Variants in PPARD observed in about 807,000 individuals in gnomAD.
PPARD encodes the protein peroxisome proliferator activated receptor delta, also known as peroxisome proliferator-activated receptor delta.
Under a neutral mutation model 39.5 loss-of-function variants are expected in PPARD, and 6 were observed. That is an observed-to-expected ratio of 0.15 (90% CI 0.08 to 0.30). The LOEUF (loss-of-function observed/expected upper bound fraction) is 0.30. Among genes scored for constraint, PPARD ranks in the 10% least tolerant of loss-of-function variants. The pLI is 1.00. For synonymous variants in PPARD, 210 were observed against 231.3 expected, an observed-to-expected ratio of 0.91 and a Z score of 0.83; for missense variants, 397 against 596.8, an observed-to-expected ratio of 0.67 and a Z score of 3.49.
At chr6:35,348,056 C>T (rs1008786896) in intron 2 of PPARD, among the ~76,000 whole-genome samples, 4 of 150,068 alleles carry the variant, frequency 2.7e-5, no homozygotes, top group Admixed American at 6.7e-5. Flanking sequence ...TACAGGCATG[C>T]GCCACCACAT....
At position 35,407,799 on chromosome 6, in the gene PPARD, T is replaced by TA. The variant is rs201207213; in HGVS notation, c.-101-3175dup. On this transcript the variant is annotated intron_variant, in intron 2 of 7. Transcript: ENST00000360694. ...AAAGAATAATTGTCTTTCACACAATTAAAAAAAAAAAAAGCTGACTAATGC... is the reference window on the plus strand; with the variant it reads ...AAAGAATAATTGTCTTTCACACAATTAAAAAAAAAAAAAAGCTGACTAATGC... Among the ~76,000 whole-genome samples, 195 of 143,560 alleles carry TA rather than the reference T, an allele frequency of 1.4e-3. No individual in the cohort carries two copies. The East Asian group carries it at 0.014, about 11-fold the overall frequency. The allele number at this position is 143,560 out of a possible 152,430, so 94.2% of individuals were successfully genotyped here. A position where few individuals can be genotyped will look rare whatever the true frequency, so the allele number is the denominator to read the frequency against.
chr6:35,344,430 G>C (rs1792049302), intron 1 of PPARD, among the ~76,000 whole-genome samples: 1 of 151,974 alleles, frequency 6.6e-6, no homozygotes. Flanking sequence ...TCTGGGGCTT[G>C]AGAGCCCACC....
chr6:35,383,720 G>A (rs1239361795), intron 2 of PPARD, among the ~76,000 whole-genome samples: 1 of 126,938 alleles, frequency 7.9e-6, no homozygotes, highest in Non-Finnish European at 1.6e-5. Context: ...GCCCGGCCAC[G>A]ACCCCGTCTG....
chr6:35,359,778 C>T (rs1761832788), intron 2 of PPARD, among the ~76,000 whole-genome samples: 1 of 152,204 alleles, frequency 6.6e-6, no homozygotes, highest in African/African-American at 2.4e-5. Flanking sequence ...ATTCACACAA[C>T]AACCCTGAGA....
intron 1 of PPARD, among the ~76,000 whole-genome samples, chr6:35,346,253 T>C (rs1285427132): frequency 6.6e-6 from 1 of 152,202 alleles, no homozygotes; most frequent in African/African-American, 2.4e-5. Flanking sequence ...CTCTGCAGGC[T>C]GGGAAGCTGA....
chr6:35,354,761 G>A lies in PPARD; in HGVS notation c.-102+7611G>A, dbSNP rs1014122750. Among the ~76,000 whole-genome samples the A allele has an allele frequency of 3.9e-5, 6 of 152,086 alleles. 1 individual carries two copies. Among genetic ancestry groups the A allele is most frequent in the African/African-American group, 1.2e-4 (5 of 41,410 alleles). On this transcript the variant is annotated intron_variant, in intron 2 of 7. Coordinates refer to ENST00000360694, the MANE Select transcript of PPARD (RefSeq NM_006238.5). Reference sequence around the variant, plus strand: ...CTATGCTAAGTAAGTTATGGTGTTCGGCAGGTTACATATATTACATGCGTT... The same window carrying A: ...CTATGCTAAGTAAGTTATGGTGTTCAGCAGGTTACATATATTACATGCGTT...
chr6:35,420,034 A>T, intron 3 of PPARD, 93 bp from the exon 4 acceptor site: 2 of 1,448,504 alleles, frequency 1.4e-6, no homozygotes, highest in African/African-American at 1.4e-5. Context: ...CACAGCTGTT[A>T]AGTGGCTGAG....
Position 35,427,824 on chromosome 6 carries a change from C to A in PPARD, c.*1745C>A, listed in dbSNP as rs1436156673. On this transcript the variant is annotated 3_prime_UTR_variant, in exon 8 of 8. Coordinates refer to ENST00000360694, the MANE Select transcript of PPARD (RefSeq NM_006238.5). ...CTGTGTGTGACTCTGGGTGGAAGTG[C>A]CCAGCCCCTGCCCCTACGGGCGCTG... is the stretch of plus-strand genomic sequence containing the variant. 1 of 152,742 alleles carries A rather than the reference C, an allele frequency of 6.5e-6. No homozygotes were observed. Among genetic ancestry groups the A allele is most frequent in the Non-Finnish European group, 1.5e-5 (1 of 68,136 alleles). The allele number at this position is 152,742 out of a possible 1,614,324, so 9.5% of individuals were successfully genotyped here.
At chr6:35,355,278 C>T (rs532668454) in intron 2 of PPARD, among the ~76,000 whole-genome samples, 1 of 152,150 alleles carries the variant, frequency 6.6e-6, no homozygotes, top group East Asian at 1.9e-4. Context: ...GGGGAAACCC[C>T]ATCTATACTA....
chr6:35,356,323 A>C (rs1223246735), intron 2 of PPARD, among the ~76,000 whole-genome samples: 1 of 152,030 alleles, frequency 6.6e-6, no homozygotes, highest in Non-Finnish European at 1.5e-5. Flanking sequence ...GTGGAAGTAC[A>C]AGCCAACTTT....
At position 35,424,699 on chromosome 6, in the gene PPARD, A is replaced by C. The variant is rs189344916; in HGVS notation, c.998A>C (p.Glu333Ala). Residue 333 changes from glutamate to alanine, a missense_variant, in exon 7 of 8, where the codon GAA (glutamate) becomes GCA (alanine). Transcript: ENST00000360694. This position sits in a 1 kb window ranked among gnomAD's most constrained non-coding sequence, Gnocchi z 7.1. ...PFSDIIEPKFEFAVKFNALEL... is the reference protein window; with the variant it reads ...PFSDIIEPKFAFAVKFNALEL... The stretch of plus-strand genomic sequence containing the variant: ...AGTGATATCATTGAGCCTAAGTTTG[A>C]ATTTGCTGTCAAGTTCAACGCCCTG... 1.9e-6 allele frequency: 3 copies of C among 1,614,150 alleles called. No individual in the cohort carries two copies. Among genetic ancestry groups the C allele is most frequent in the Non-Finnish European group, 2.5e-6 (3 of 1,180,032 alleles).
rs1464610962 is a variant in PPARD, at chr6:35,366,389, G to A, written c.-102+19239G>A. On this transcript the variant is annotated intron_variant, in intron 2 of 7. Transcript: ENST00000360694. This position sits in a 1 kb window ranked among gnomAD's most constrained non-coding sequence, Gnocchi z 4.6. ...TCTGAGAACAGTGTGAGCCATGGAA[G>A]GTCTTTGAGCAGGAGAATAATGTGA... 6.6e-6 allele frequency among the ~76,000 whole-genome samples: 1 copy of A among 151,552 alleles called. No individual in the cohort carries two copies. Among genetic ancestry groups the A allele is most frequent in the Non-Finnish European group, 1.5e-5 (1 of 68,042 alleles).
At chr6:35,418,461 G>A (rs1765921289) in intron 3 of PPARD, among the ~76,000 whole-genome samples, 1 of 152,228 alleles carries the variant, frequency 6.6e-6, no homozygotes, top group Non-Finnish European at 1.5e-5. Context: ...CCTGCTGCGT[G>A]CCCAGCACCT....
rs563120195 is a variant in PPARD, at chr6:35,345,882, T to G, written c.-185-1185T>G. Among the ~76,000 whole-genome samples, 219 of 146,596 alleles carry G rather than the reference T, an allele frequency of 1.5e-3. 2 individuals carry two copies. The highest frequency in any genetic ancestry group is 4.8e-3 in the African/African-American group (189 of 39,398). On this transcript the variant is annotated intron_variant, in intron 1 of 7. Coordinates refer to ENST00000360694, the MANE Select transcript of PPARD (RefSeq NM_006238.5). ...CCTGTCACTTTTTTTTCGTTTTTTT[T>G]TTTTTTTTTTTTGAGATGGAGTCTC...
Position 35,353,587 on chromosome 6 carries a change from C to T in PPARD, c.-102+6437C>T, listed in dbSNP as rs146268518. Among the ~76,000 whole-genome samples the T allele has an allele frequency of 3.0e-3, 462 of 152,300 alleles. 5 individuals are homozygous for T. Among genetic ancestry groups the T allele is most frequent in the African/African-American group, 0.011 (441 of 41,562 alleles). ...GCAAGAAAGGTGAAACTTCATTTAA[C>T]ACCACTAACCATGTTTCAAATACGC... On this transcript the variant is annotated intron_variant, in intron 2 of 7. Transcript: ENST00000360694.
intron 2 of PPARD, among the ~76,000 whole-genome samples, chr6:35,364,351 T>C (rs1283962997): frequency 6.6e-6 from 1 of 152,184 alleles, no homozygotes; most frequent in Non-Finnish European, 1.5e-5. Flanking sequence ...ATGTACAAGC[T>C]TTTGTGTGGA....
At chr6:35,359,636 C>G (rs990546424) in intron 2 of PPARD, among the ~76,000 whole-genome samples, 12 of 152,174 alleles carry the variant, frequency 7.9e-5, no homozygotes, top group African/African-American at 2.4e-4. Flanking sequence ...ACTCCCACAG[C>G]TGACTTCTAT....
chr6:35,349,484 G>A (rs1419286838), intron 2 of PPARD, among the ~76,000 whole-genome samples: 1 of 152,114 alleles, frequency 6.6e-6, no homozygotes, highest in Non-Finnish European at 1.5e-5. Flanking sequence ...AAATAAAAAT[G>A]GCAAAAGAAT....
intron 2 of PPARD, among the ~76,000 whole-genome samples, chr6:35,364,956 G>A (rs9470000): frequency 0.14 from 20,634 of 151,604 alleles, 3,610 homozygotes; most frequent in African/African-American, 0.41. Flanking sequence ...TGATCCACCC[G>A]CCTCGGCCTC....
Sources: allele counts gnomAD v4.1 joint callset (sites outside exome capture counted in the v4.1 genomes callset), GRCh38; gene constraint gnomAD v4.1.1; non-coding constraint Gnocchi (gnomAD v3.1); transcripts MANE v1.5; gene names NCBI Gene and HGNC (gene_info 2026-07-23, HGNC 2026-07-21).